The following COL5A2 variants were observed in gnomAD, a reference collection of about 807,000 sequenced individuals.
COL5A2 encodes collagen type V alpha 2 chain.
Under a neutral mutation model 208.2 loss-of-function variants are expected in COL5A2, and 23 were observed. That is an observed-to-expected ratio of 0.11 (90% CI 0.08 to 0.16). The LOEUF (loss-of-function observed/expected upper bound fraction) is 0.16, where lower values mean the gene tolerates loss of function less well. Ranked by LOEUF, COL5A2 falls within the 10% of genes least tolerant of loss-of-function variation. The probability of loss-of-function intolerance (pLI) is 1.00; values close to 1 mark genes in which losing one functional copy is unlikely to be tolerated. For missense variants in COL5A2, 1,590 were observed against 1,956.4 expected, an observed-to-expected ratio of 0.81 and a Z score of 3.53; for synonymous variants, 625 against 628.5, an observed-to-expected ratio of 0.99 and a Z score of 0.08.
the COL5A2 span, among the ~76,000 whole-genome samples, chr2:189,361,879 AC>A: frequency 0.036 from 5,539 of 152,178 alleles, 117 homozygotes; most frequent in Admixed American, 0.05. Context: ...AAGAAAAGTA[AC>A]CAAAAAAAAT....
Position 189,061,602 on chromosome 2 carries a change from T to C in COL5A2, c.1991A>G (p.Glu664Gly). The C allele has an allele frequency of 6.2e-7, 1 of 1,613,170 alleles. No individual in the cohort carries two copies. The highest frequency in any genetic ancestry group is 8.5e-7 in the Non-Finnish European group (1 of 1,179,298). Residue 664 changes from glutamate (E) to glycine (G), a missense_variant, in exon 30 of 54, where the codon GAA becomes GGA. Transcript: ENST00000374866. ...GPVGPPGLAG[E>G]RGEQGPPGPT... is the part of the protein sequence containing the mutation. ...GCCTGGAGGTCCTTGTTCTCCTCTT[T>C]CACCAGCTAGACCCTAAGTTGTGAA...
chr2:189,181,310 A>G (rs2105834386), upstream of COL5A2, among the ~76,000 whole-genome samples: 1 of 152,184 alleles, frequency 6.6e-6, no homozygotes, highest in East Asian at 1.9e-4. Flanking sequence ...TTATCTTTTC[A>G]TTTAGACATG....
At chr2:189,178,527 G>A (rs1029347064) in intron 1 of COL5A2, among the ~76,000 whole-genome samples, 5 of 151,886 alleles carry the variant, frequency 3.3e-5, no homozygotes, top group African/African-American at 1.2e-4. Context: ...TTTTAAAGGA[G>A]TACATGTCTG....
At chr2:189,144,291 T>C (rs1437403571) in intron 1 of COL5A2, among the ~76,000 whole-genome samples, 2 of 152,076 alleles carry the variant, frequency 1.3e-5, no homozygotes, top group Admixed American at 6.6e-5. Context: ...AAGTACATAG[T>C]TGGGTATTTG....
the COL5A2 span, among the ~76,000 whole-genome samples, chr2:189,384,286 G>A: frequency 2.6e-5 from 4 of 152,044 alleles, no homozygotes; most frequent in Non-Finnish European, 5.9e-5. Context: ...TAGGATTGCT[G>A]GATCATAGGG....
intron 1 of COL5A2, among the ~76,000 whole-genome samples, chr2:189,167,392 T>C (rs557882916): frequency 1.3e-5 from 2 of 152,350 alleles, no homozygotes; most frequent in East Asian, 1.9e-4. Flanking sequence ...ATTCAATTTG[T>C]TGTCATCCTT....
the COL5A2 span, among the ~76,000 whole-genome samples, chr2:189,388,963 C>T: frequency 6.6e-6 from 1 of 152,104 alleles, no homozygotes; most frequent in Admixed American, 6.6e-5. Flanking sequence ...TGAAAGGTTC[C>T]CAACATTCTA....
chr2:189,064,936 C>T lies in COL5A2; in HGVS notation c.1617+68G>A, dbSNP rs112923575. On this transcript the variant is annotated intron_variant, in intron 24 of 53. Transcript: ENST00000374866. The stretch of plus-strand genomic sequence containing the variant: ...CCCATGCAGGCCATAGCTAGATCAC[C>T]GTGCTGAAAAATGGCATCTTCTGGA... The T allele has an allele frequency of 1.7e-4, 246 of 1,453,466 alleles. 1 individual carries two copies. In the African/African-American group the frequency reaches 2.5e-3, roughly 15 times the overall value. 90.0% of individuals were successfully genotyped at this position (1,453,466 alleles called of 1,614,324 possible).
chr2:189,175,412 A>T (rs574290121), intron 1 of COL5A2, among the ~76,000 whole-genome samples: 84 of 151,434 alleles, frequency 5.5e-4, no homozygotes, highest in Middle Eastern at 3.4e-3. Flanking sequence ...AAATAAATTT[A>T]AAAAAAAATA....
chr2:189,358,428 C>T, the COL5A2 span, among the ~76,000 whole-genome samples: 2 of 152,162 alleles, frequency 1.3e-5, no homozygotes, highest in African/African-American at 4.8e-5. Flanking sequence ...TTTCATAAGG[C>T]TATAGCTGCT....
intron 36 of COL5A2, 75 bp downstream of exon 36, chr2:189,054,084 T>C: frequency 6.8e-7 from 1 of 1,461,566 alleles, no homozygotes; most frequent in Non-Finnish European, 9.6e-7. Flanking sequence ...TGTTATAAAA[T>C]GAAAAGATTT....
At chr2:189,062,261 A>G (rs1686049851) in intron 29 of COL5A2, among the ~76,000 whole-genome samples, 1 of 150,480 alleles carries the variant, frequency 6.6e-6, no homozygotes, top group African/African-American at 2.5e-5. Context: ...TTGGTTCACT[A>G]CAACCTCCGC....
intron 1 of COL5A2, among the ~76,000 whole-genome samples, chr2:189,137,332 G>T (rs1687845380): frequency 6.6e-6 from 1 of 152,114 alleles, no homozygotes; most frequent in Non-Finnish European, 1.5e-5. Context: ...ATATATCAAG[G>T]CCACGCCTAA....
chr2:189,240,660 T>C, the COL5A2 span, among the ~76,000 whole-genome samples: 3 of 152,320 alleles, frequency 2.0e-5, no homozygotes, highest in South Asian at 2.1e-4. Context: ...TCAATTCCTC[T>C]TGTGATTGCC....
the COL5A2 span, among the ~76,000 whole-genome samples, chr2:189,306,015 T>A: frequency 6.6e-6 from 1 of 152,170 alleles, no homozygotes; most frequent in Non-Finnish European, 1.5e-5. Context: ...CAATTTTCTC[T>A]TGAAGGACTA....
At chr2:189,310,379 C>T in the COL5A2 span, among the ~76,000 whole-genome samples, 5,619 of 152,248 alleles carry the variant, frequency 0.037, 118 homozygotes, top group Admixed American at 0.05. Flanking sequence ...TATCATTATA[C>T]CATTTGGATA....
At chr2:189,290,807 G>A in the COL5A2 span, among the ~76,000 whole-genome samples, 8 of 150,932 alleles carry the variant, frequency 5.3e-5, no homozygotes, top group African/African-American at 1.5e-4. Context: ...AAGGAGGTAT[G>A]TTAGACATAA....
intron 12 of COL5A2, among the ~76,000 whole-genome samples, chr2:189,083,529 T>C (rs1686583353): frequency 6.6e-6 from 1 of 152,028 alleles, no homozygotes; most frequent in South Asian, 2.1e-4. Flanking sequence ...CTCTAGTTGA[T>C]AAAAAACAAG....
the COL5A2 span, among the ~76,000 whole-genome samples, chr2:189,429,978 GC>G: frequency 6.6e-6 from 1 of 152,064 alleles, no homozygotes; most frequent in Non-Finnish European, 1.5e-5. Flanking sequence ...AAAGGAAAAG[GC>G]TTTATTAATT....
Sources: gnomAD v4.1 joint callset for allele counts (sites outside exome capture counted in the v4.1 genomes callset) on GRCh38, gnomAD v4.1.1 for gene constraint, MANE v1.5 for transcripts, NCBI Gene and HGNC (gene_info 2026-07-23, HGNC 2026-07-21) for gene names.